Variants in RYR2 observed in about 807,000 individuals in gnomAD.
The protein encoded by RYR2 is ryanodine receptor 2.
In RYR2, 227 loss-of-function variants were observed where a neutral mutation model predicts 601.1. That is an observed-to-expected ratio of 0.38 (90% CI 0.34 to 0.42). The LOEUF is 0.42. Among genes scored for constraint, RYR2 ranks in the 10% least tolerant of loss-of-function variants. The probability of loss-of-function intolerance (pLI) is 1.00; values close to 1 mark genes in which losing one functional copy is unlikely to be tolerated. For synonymous variants in RYR2, 2,223 were observed against 2,175.1 expected (o/e 1.02, Z -0.61); for missense variants, 4,646 against 6,156.5 (o/e 0.75, Z 8.21).
chr1:237,826,064 G>A (rs1383972463), intron 101 of RYR2, among the ~76,000 whole-genome samples: 2 of 152,206 alleles, frequency 1.3e-5, no homozygotes, highest in African/African-American at 2.4e-5. Context: ...TACAGTGTTT[G>A]TGGGAGTGTA....
chr1:237,063,536 T>G lies in RYR2; in HGVS notation c.48+20967T>G, dbSNP rs575552163. Among the ~76,000 whole-genome samples, 9 of 152,156 alleles carry G rather than the reference T, an allele frequency of 5.9e-5. No individual in the cohort carries two copies. In the South Asian group the frequency reaches 1.7e-3, roughly 28 times the overall value. ...AGTCTGTTTATATAATACTTTAAATTTATTTATCCTCTCTTTTTGTGCTCT... is the reference window on the plus strand; with the variant it reads ...AGTCTGTTTATATAATACTTTAAATGTATTTATCCTCTCTTTTTGTGCTCT... On this transcript the variant is annotated intron_variant, in intron 1 of 104. Coordinates refer to ENST00000366574, the MANE Select transcript of RYR2 (RefSeq NM_001035.3).
rs903803213 is a variant in RYR2, at chr1:237,472,675, T to C, written c.1708+3488T>C. On this transcript the variant is annotated intron_variant, in intron 17 of 104. Coordinates refer to ENST00000366574, the MANE Select transcript of RYR2 (RefSeq NM_001035.3). ...CATTTTTAGAATGTGTGATAGGATATATTTTTGTAAAAAAAAAAAAGTGAA... is the reference window on the plus strand; with the variant it reads ...CATTTTTAGAATGTGTGATAGGATACATTTTTGTAAAAAAAAAAAAGTGAA... Among the ~76,000 whole-genome samples, 5 of 119,652 alleles carry C rather than the reference T, an allele frequency of 4.2e-5. 1 individual carries two copies. Among genetic ancestry groups the C allele is most frequent in the East Asian group, 6.5e-4 (2 of 3,098 alleles). The allele number at this position is 119,652 out of a possible 152,430, so 78.5% of individuals were successfully genotyped here. A position where few individuals can be genotyped will look rare whatever the true frequency, so the allele number is the denominator to read the frequency against.
In RYR2 at chr1:237,353,424, G is replaced by A. The variant is rs543034956; in HGVS notation, c.274-2541G>A. On this transcript the variant is annotated intron_variant, in intron 3 of 104. Transcript: ENST00000366574. ...TCCAGGAAACTGAGACAGGAGAATC[G>A]CTTGAACCCAGGAGGCGGAGGTTAC... Among the ~76,000 whole-genome samples the A allele has an allele frequency of 6.9e-4, 104 of 150,272 alleles. No individual in the cohort carries two copies. In the Middle Eastern group the frequency reaches 0.01, roughly 15 times the overall value.
At chr1:237,535,626 A>C (rs1219660896) in intron 25 of RYR2, among the ~76,000 whole-genome samples, 1 of 152,148 alleles carries the variant, frequency 6.6e-6, no homozygotes, top group Non-Finnish European at 1.5e-5. Context: ...ATCAAAGCCC[A>C]GATCAAGACA....
At position 237,440,915 on chromosome 1, in the gene RYR2, A is replaced by G. The variant is rs578242266; in HGVS notation, c.1006-404A>G. Among the ~76,000 whole-genome samples, 3 of 152,110 alleles carry G rather than the reference A, an allele frequency of 2.0e-5. No individual in the cohort carries two copies. The South Asian group carries it at 6.2e-4, about 32-fold the overall frequency. On this transcript the variant is annotated intron_variant, in intron 12 of 104. Coordinates refer to ENST00000366574, the MANE Select transcript of RYR2 (RefSeq NM_001035.3). ...TAAAAGGTTTAATTAACTTGCTAAC[A>G]TCTTAGAGGTAATGAGTGGCAGAGG...
At chr1:237,347,668 A>G (rs1372202506) in intron 3 of RYR2, among the ~76,000 whole-genome samples, 3 of 152,108 alleles carry the variant, frequency 2.0e-5, no homozygotes, top group Admixed American at 2.0e-4. Flanking sequence ...ATGTAGAGGA[A>G]AAATTTAATA....
chr1:237,330,559 T>G (rs1384069848), intron 2 of RYR2, among the ~76,000 whole-genome samples: 1 of 152,196 alleles, frequency 6.6e-6, no homozygotes, highest in Non-Finnish European at 1.5e-5. Flanking sequence ...GGCTACTTTT[T>G]GTATTTTTAG....
chr1:237,549,849 C>T (rs1670203185), intron 26 of RYR2, among the ~76,000 whole-genome samples: 1 of 151,938 alleles, frequency 6.6e-6, no homozygotes, highest in South Asian at 2.1e-4. Flanking sequence ...GATGCATCTC[C>T]CCGATCCCAT....
chr1:237,383,859 C>G (rs1201435186), intron 8 of RYR2, among the ~76,000 whole-genome samples: 5 of 152,128 alleles, frequency 3.3e-5, no homozygotes, highest in Non-Finnish European at 7.4e-5. Flanking sequence ...CCTTGTACTG[C>G]TGCTGGTGGA....
intron 84 of RYR2, among the ~76,000 whole-genome samples, chr1:237,770,421 G>A (rs1156607194): frequency 1.3e-5 from 2 of 152,048 alleles, no homozygotes; most frequent in African/African-American, 4.8e-5. Flanking sequence ...CATAATCCGG[G>A]TACAAAGCAA....
At chr1:237,618,634 G>A (rs1678746687) in intron 38 of RYR2, among the ~76,000 whole-genome samples, 2 of 152,154 alleles carry the variant, frequency 1.3e-5, no homozygotes, top group Non-Finnish European at 2.9e-5. Flanking sequence ...CAGGGAAGGG[G>A]CAGCTTAGCA....
At chr1:237,811,119 GT>G (rs1196126788) in intron 100 of RYR2, among the ~76,000 whole-genome samples, 1 of 151,948 alleles carries the variant, frequency 6.6e-6, no homozygotes, top group Non-Finnish European at 1.5e-5. Flanking sequence ...GCCTAAGACA[GT>G]TTTTTCCCCA....
intron 1 of RYR2, among the ~76,000 whole-genome samples, chr1:237,204,086 C>A (rs998783128): frequency 6.6e-6 from 1 of 152,342 alleles, no homozygotes; most frequent in East Asian, 1.9e-4. Flanking sequence ...TCATGACGCA[C>A]TGCAACCTTC....
intron 24 of RYR2, among the ~76,000 whole-genome samples, chr1:237,516,879 A>G (rs555579236): frequency 6.6e-6 from 1 of 152,118 alleles, no homozygotes; most frequent in East Asian, 1.9e-4. Flanking sequence ...AGCCACCATC[A>G]TCTGTCACCC....
intron 29 of RYR2, among the ~76,000 whole-genome samples, chr1:237,581,731 A>T (rs1241803214): frequency 2.0e-5 from 3 of 152,178 alleles, no homozygotes; most frequent in Non-Finnish European, 4.4e-5. Flanking sequence ...TGGCTTTACC[A>T]TAACAGCTGA....
At chr1:237,594,885 G>GGTTTTTTTTTTGTTTTTTTTGTTTTTTTT (rs1675637767) in intron 33 of RYR2, among the ~76,000 whole-genome samples, 1 of 79,048 alleles carries the variant, frequency 1.3e-5, no homozygotes, top group African/African-American at 7.2e-5. Context: ...AATATCACTG[G>GGTTTTTTTTTTGTTTTTTTTGTTTTTTTT]GTTTTTTTTT....
intron 18 of RYR2, among the ~76,000 whole-genome samples, chr1:237,492,678 A>T (rs1057320704): frequency 1.3e-5 from 2 of 151,954 alleles, no homozygotes. Flanking sequence ...CTGTCTTTAC[A>T]AAAAAAGAAA....
intron 23 of RYR2, among the ~76,000 whole-genome samples, chr1:237,510,088 C>A (rs967840607): frequency 6.6e-6 from 1 of 152,132 alleles, no homozygotes; most frequent in Non-Finnish European, 1.5e-5. Flanking sequence ...AGGTGACAGA[C>A]TTATGTCTGC....
chr1:237,230,926 T>TAAAAAAAAAAAA (rs1572284765), intron 1 of RYR2, among the ~76,000 whole-genome samples: 1 of 28,152 alleles, frequency 3.6e-5, no homozygotes, highest in South Asian at 9.4e-4. Context: ...GAGACTCGTC[T>TAAAAAAAAAAAA]CAAAAAAAAA....
Sources: allele counts gnomAD v4.1 joint callset (sites outside exome capture counted in the v4.1 genomes callset), GRCh38; gene constraint gnomAD v4.1.1; transcripts MANE v1.5; gene names NCBI Gene and HGNC (gene_info 2026-07-23, HGNC 2026-07-21).